The following NKAIN3 variants were observed in gnomAD, a reference collection of about 807,000 sequenced individuals.
NKAIN3 encodes the protein sodium/potassium-transporting ATPase subunit beta-1-interacting protein 3.
A neutral mutation model predicts 30.2 loss-of-function variants in NKAIN3; 25 were observed. The observed-to-expected ratio is 0.83, with a 90% CI of 0.60 to 1.16. NKAIN3 has a LOEUF of 1.16. Among genes scored for constraint, NKAIN3 ranks in the 50% most tolerant of loss-of-function variants. The probability of loss-of-function intolerance (pLI) is 0.00; values close to 1 mark genes in which losing one functional copy is unlikely to be tolerated. For synonymous variants in NKAIN3, 91 were observed against 89.6 expected (o/e 1.02, Z -0.09); for missense variants, 225 against 254.1 (o/e 0.89, Z 0.78).
intron 3 of NKAIN3, 98 bp downstream of exon 3, chr8:62,589,892 T>C: frequency 2.1e-6 from 1 of 473,380 alleles, no homozygotes. Context: ...TGTGTGTGTG[T>C]GTGTGTGTGT....
At chr8:62,417,109 T>A (rs1276134396) in intron 1 of NKAIN3, among the ~76,000 whole-genome samples, 2 of 151,774 alleles carry the variant, frequency 1.3e-5, no homozygotes, top group African/African-American at 4.8e-5. Context: ...CCCACCTACA[T>A]CTCCATCCTC....
intron 3 of NKAIN3, among the ~76,000 whole-genome samples, chr8:62,610,870 G>T (rs545897318): frequency 9.9e-5 from 15 of 152,026 alleles, no homozygotes; most frequent in African/African-American, 3.6e-4. Flanking sequence ...GCCCTACTAC[G>T]TTTTTTACTA....
intron 1 of NKAIN3, among the ~76,000 whole-genome samples, chr8:62,403,064 T>A (rs1803939108): frequency 6.6e-6 from 1 of 152,156 alleles, no homozygotes; most frequent in African/African-American, 2.4e-5. Flanking sequence ...TGGTCTCAGA[T>A]GGAGATGAGA....
At chr8:62,930,381 G>A (rs183589228) in intron 5 of NKAIN3, among the ~76,000 whole-genome samples, 7 of 152,160 alleles carry the variant, frequency 4.6e-5, no homozygotes, top group African/African-American at 1.7e-4. Context: ...AGCCTCCTGA[G>A]TAGCTGGGAT....
At chr8:62,956,530 C>T (rs888169988) in intron 6 of NKAIN3, among the ~76,000 whole-genome samples, 56 of 152,084 alleles carry the variant, frequency 3.7e-4, no homozygotes, top group Admixed American at 3.4e-3. Flanking sequence ...ACAAAGTGCA[C>T]CTTTCAAGTG....
At chr8:62,344,727 C>T (rs1815873269) in intron 1 of NKAIN3, 1 of 266,576 alleles carries the variant, frequency 3.8e-6, no homozygotes. Context: ...TGGATATTGA[C>T]TGCTGTCAGT....
intron 1 of NKAIN3, among the ~76,000 whole-genome samples, chr8:62,437,054 A>T (rs1336963049): frequency 6.6e-6 from 1 of 152,200 alleles, no homozygotes; most frequent in Non-Finnish European, 1.5e-5. Flanking sequence ...TGAGGTTAAA[A>T]TATAGACGAA....
intron 4 of NKAIN3, among the ~76,000 whole-genome samples, chr8:62,859,414 A>G (rs1820168225): frequency 6.7e-6 from 1 of 148,930 alleles, no homozygotes; most frequent in Non-Finnish European, 1.5e-5. Context: ...ACCTTAGGCC[A>G]AGCTTGTCTG....
At chr8:62,340,114 C>T (rs1190007180) in intron 1 of NKAIN3, among the ~76,000 whole-genome samples, 1 of 151,970 alleles carries the variant, frequency 6.6e-6, no homozygotes, top group East Asian at 1.9e-4. Flanking sequence ...TAGAAGCCTG[C>T]AGGAAAACTG....
At chr8:62,765,246 C>CAAAAAAAAAAA (rs34477671) in intron 4 of NKAIN3, among the ~76,000 whole-genome samples, 8 of 42,458 alleles carry the variant, frequency 1.9e-4, no homozygotes, top group African/African-American at 4.8e-4. Context: ...GACTCCATCT[C>CAAAAAAAAAAA]AAAAAAAAAA....
chr8:62,564,602 G>C (rs981639778), intron 1 of NKAIN3, among the ~76,000 whole-genome samples: 3 of 152,040 alleles, frequency 2.0e-5, no homozygotes, highest in African/African-American at 7.2e-5. Flanking sequence ...TCCAATTCTT[G>C]GCCTGCCCAT....
chr8:62,734,247 C>T (rs746107349), intron 3 of NKAIN3, among the ~76,000 whole-genome samples: 2 of 152,186 alleles, frequency 1.3e-5, no homozygotes, highest in African/African-American at 4.8e-5. Context: ...TGAGCCTCTG[C>T]ACTCCAGCCT....
At chr8:62,706,729 G>T (rs992132365) in intron 3 of NKAIN3, among the ~76,000 whole-genome samples, 2 of 151,660 alleles carry the variant, frequency 1.3e-5, no homozygotes, top group Non-Finnish European at 2.9e-5. Flanking sequence ...GGTGGTATTT[G>T]GTTATATGAG....
intron 1 of NKAIN3, among the ~76,000 whole-genome samples, chr8:62,568,016 C>G (rs1305334187): frequency 5.3e-5 from 8 of 152,088 alleles, no homozygotes; most frequent in Admixed American, 5.2e-4. Flanking sequence ...TGAAGGTTGA[C>G]TAAGATAGCA....
chr8:62,516,043 ATTT>A (rs957533536), intron 1 of NKAIN3, among the ~76,000 whole-genome samples: 1 of 150,728 alleles, frequency 6.6e-6, no homozygotes, highest in African/African-American at 2.4e-5. Flanking sequence ...AAAAAGCCCC[ATTT>A]TTTTTTAAGA....
At chr8:62,646,562 A>G (rs1437962375) in intron 3 of NKAIN3, among the ~76,000 whole-genome samples, 1 of 152,190 alleles carries the variant, frequency 6.6e-6, no homozygotes, top group Non-Finnish European at 1.5e-5. Context: ...AATGTTTATA[A>G]TAAACCACTG....
intron 4 of NKAIN3, among the ~76,000 whole-genome samples, chr8:62,882,509 G>A (rs921890989): frequency 1.3e-5 from 2 of 151,872 alleles, no homozygotes; most frequent in African/African-American, 2.4e-5. Flanking sequence ...GTAGAGACAG[G>A]GTTTCACCAT....
chr8:62,884,366 C>A (rs949069322), intron 4 of NKAIN3, among the ~76,000 whole-genome samples: 1 of 151,788 alleles, frequency 6.6e-6, no homozygotes, highest in Non-Finnish European at 1.5e-5. Context: ...TCAAGATATT[C>A]TCCTGCCTTA....
intron 4 of NKAIN3, among the ~76,000 whole-genome samples, chr8:62,892,573 C>G (rs1821324906): frequency 6.6e-6 from 1 of 151,942 alleles, no homozygotes; most frequent in South Asian, 2.1e-4. Flanking sequence ...AATAAATAAA[C>G]CAAATCAGGC....
Sources: gnomAD v4.1 joint callset for allele counts (sites outside exome capture counted in the v4.1 genomes callset) on GRCh38, gnomAD v4.1.1 for gene constraint, MANE v1.5 for transcripts, NCBI Gene and HGNC (gene_info 2026-07-23, HGNC 2026-07-21) for gene names.